The following RFC1 variants were observed in gnomAD, a reference collection of about 807,000 sequenced individuals.
RFC1 encodes A1 140 kDa subunit.
A neutral mutation model predicts 137.4 loss-of-function variants in RFC1; 37 were observed. The ratio of observed to expected loss-of-function variants is 0.27; its 90% confidence interval spans 0.21 to 0.35. The LOEUF is 0.35. Ranked by LOEUF, RFC1 falls within the 10% of genes least tolerant of loss-of-function variation. The probability of loss-of-function intolerance (pLI) is 1.00; values close to 1 mark genes in which losing one functional copy is unlikely to be tolerated. For missense variants in RFC1, 1,205 were observed against 1,358.5 expected (o/e 0.89, Z 1.78); for synonymous variants, 429 against 455.7 (o/e 0.94, Z 0.75).
chr4:39,317,085 C>T (rs1739277214), intron 9 of RFC1, 63 bp from the exon 10 acceptor site: 4 of 1,006,964 alleles, frequency 4.0e-6, no homozygotes, highest in South Asian at 1.4e-5. Flanking sequence ...ATTTAAAATA[C>T]ATATCTAGAA....
chr4:39,357,640 A>G (rs768690757), intron 1 of RFC1, among the ~76,000 whole-genome samples: 1 of 150,786 alleles, frequency 6.6e-6, no homozygotes, highest in Admixed American at 6.6e-5. Context: ...CCCTTGAGAC[A>G]GAGTCTTGCA....
intron 1 of RFC1, among the ~76,000 whole-genome samples, chr4:39,359,493 AC>A (rs892450531): frequency 2.0e-5 from 3 of 152,282 alleles, no homozygotes; most frequent in African/African-American, 4.8e-5. Context: ...ATTCTCACTC[AC>A]CCATAAGTGG....
chr4:39,308,823 G>A lies in RFC1; in HGVS notation c.1698C>T (p.Asp566=), dbSNP rs377509884. 1 of 1,613,980 alleles carries A rather than the reference G, an allele frequency of 6.2e-7. No individual in the cohort carries two copies. The highest frequency in any genetic ancestry group is 8.5e-7 in the Non-Finnish European group (1 of 1,180,022). The stretch of plus-strand genomic sequence containing the variant: ...CATCAGCCAAATTCCTAGCCTTGCT[G>A]TCACCACTTGTCTCCTCAGCCACCT... ...KEQVAEETSG[D]SKARNLADDS... The change falls in exon 13 of 25, where the codon GAC becomes GAT. Residue 566 remains aspartate, a synonymous_variant. Transcript: ENST00000349703.
At chr4:39,291,454 G>C (rs184705327) in intron 23 of RFC1, among the ~76,000 whole-genome samples, 185 bp downstream of exon 23, 1 of 152,258 alleles carries the variant, frequency 6.6e-6, no homozygotes, top group Non-Finnish European at 1.5e-5. Flanking sequence ...GTAAAGTCAA[G>C]CCCAGAAGTC....
At chr4:39,355,873 A>T (rs1741449741) in intron 1 of RFC1, 1 of 151,864 alleles carries the variant, frequency 6.6e-6, no homozygotes, top group Admixed American at 6.6e-5. Flanking sequence ...ATGGTGGCAC[A>T]CACCTGTAGT....
chr4:39,305,555 C>A (rs1415736418), intron 14 of RFC1, among the ~76,000 whole-genome samples: 5 of 152,042 alleles, frequency 3.3e-5, no homozygotes, highest in Non-Finnish European at 7.4e-5. Flanking sequence ...TTGCAGTGAA[C>A]CGAGACCGTG....
chr4:39,327,589 C>G lies in RFC1; in HGVS notation c.499G>C (p.Asp167His). The G allele has an allele frequency of 6.2e-7, 1 of 1,613,590 alleles. No homozygotes were observed. Among genetic ancestry groups the G allele is most frequent in the Non-Finnish European group, 8.5e-7 (1 of 1,179,844 alleles). ...TGGACACTTCCAGTTCCAAAATAAT[C>G]AAGTACTGATGTGGGTGTAAGTTTT... is the stretch of plus-strand genomic sequence containing the variant. Reference protein sequence around the residue: ...PIKLTPTSVLDYFGTGSVQRS... With the variant: ...PIKLTPTSVLHYFGTGSVQRS... The change falls in exon 5 of 25, where the codon GAT becomes CAT. Residue 167 changes from aspartate to histidine, a missense_variant. Around this residue, in one of 3 missense-constraint regions of RFC1, gnomAD observed 962 missense variants for 1,035.3 expected, o/e 0.93. Coordinates refer to ENST00000349703, the MANE Select transcript of RFC1 (RefSeq NM_002913.5).
rs1738281009 is a variant in RFC1 at position 39,300,307 on chromosome 4, G to A, written c.2643C>T (p.Pro881=). Residue 881 remains proline (P), a synonymous_variant, in exon 20 of 25, where the codon CCC becomes CCT. Coordinates refer to ENST00000349703, the MANE Select transcript of RFC1 (RefSeq NM_002913.5). ...DLFFHDYSIA[P]LFVQENYIHV... Reference sequence around the variant, plus strand: ...GTATGTAATTTTCCTGGACGAAGAGGGGTGCTATTGAATAATCATGAAAAA... The same window carrying A: ...GTATGTAATTTTCCTGGACGAAGAGAGGTGCTATTGAATAATCATGAAAAA... The A allele has an allele frequency of 2.5e-6, 4 of 1,614,064 alleles. No individual in the cohort carries two copies. The highest frequency in any genetic ancestry group is 3.4e-6 in the Non-Finnish European group (4 of 1,179,922).
rs772725817 is a variant in RFC1 at position 39,327,728 on chromosome 4, C to T, written c.360G>A (p.Lys120=). The part of the protein sequence containing the change: ...TDEEDDFMCK[K]AASKSKENGR... ...CATTCTCTTTTGATTTAGAGGCCGC[C>T]TTCTTACACATAAAGTCATCTTCTT... Residue 120 remains lysine (K), a synonymous_variant, in exon 5 of 25, where the codon AAG becomes AAA. Coordinates refer to ENST00000349703, the MANE Select transcript of RFC1 (RefSeq NM_002913.5). 1.9e-6 allele frequency: 3 copies of T among 1,608,688 alleles called. No homozygotes were observed. The highest frequency in any genetic ancestry group is 2.5e-6 in the Non-Finnish European group (3 of 1,178,226).
At chr4:39,339,056 C>T (rs1344353611) in intron 4 of RFC1, among the ~76,000 whole-genome samples, 4 of 152,006 alleles carry the variant, frequency 2.6e-5, no homozygotes, top group Non-Finnish European at 5.9e-5. Context: ...CGGGTTCACA[C>T]ATGCTGTGGC....
chr4:39,311,459 C>T lies in RFC1; in HGVS notation c.1474G>A (p.Ala492Thr), dbSNP rs1738957143. The change falls in exon 12 of 25, where the codon GCA becomes ACA. Residue 492 changes from alanine (A) to threonine (T), a missense_variant. Around this residue, in one of 3 missense-constraint regions of RFC1, gnomAD observed 962 missense variants for 1,035.3 expected, o/e 0.93. Coordinates refer to ENST00000349703, the MANE Select transcript of RFC1 (RefSeq NM_002913.5). The part of the protein sequence containing the change: ...MPGKKSKYEI[A>T]VETEMKKESK... ...TTTATACGAACCTCAGTTTCAACTG[C>T]TATTTCATACTTGGATTTCTTGCCT... is the stretch of plus-strand genomic sequence containing the variant. The T allele has an allele frequency of 6.2e-7, 1 of 1,613,386 alleles. No individual in the cohort carries two copies. Among genetic ancestry groups the T allele is most frequent in the Non-Finnish European group, 8.5e-7 (1 of 1,179,548 alleles).
In RFC1 at chr4:39,326,650, A is replaced by C; in HGVS notation, c.565-10T>G. Reference sequence around the variant, plus strand: ...CTGTATTTTGTGAAAGCTATATTTCAAAGAAAATCAAGCAAAATCAGCATA... The same window carrying C: ...CTGTATTTTGTGAAAGCTATATTTCCAAGAAAATCAAGCAAAATCAGCATA... On this transcript the variant is annotated splice_polypyrimidine_tract_variant and intron_variant, in intron 5 of 24. Transcript: ENST00000349703. 6.2e-7 allele frequency: 1 copy of C among 1,606,412 alleles called. No individual in the cohort carries two copies. The highest frequency in any genetic ancestry group is 8.5e-7 in the Non-Finnish European group (1 of 1,174,880).
At chr4:39,303,323 G>A in intron 15 of RFC1, 172 bp from the exon 16 acceptor site, 3 of 591,092 alleles carry the variant, frequency 5.1e-6, no homozygotes, top group Non-Finnish European at 8.9e-6. Context: ...AGAATATGCA[G>A]AGAAGAGAAA....
At chr4:39,297,952 T>C (rs1409559218) in intron 21 of RFC1, among the ~76,000 whole-genome samples, 3 of 152,228 alleles carry the variant, frequency 2.0e-5, no homozygotes, top group African/African-American at 7.2e-5. Flanking sequence ...AAGCTTTTCC[T>C]GTGTTAAAAC....
At chr4:39,300,522 T>C (rs1054358793) in intron 19 of RFC1, 108 bp from the exon 20 acceptor site, 1 of 815,176 alleles carries the variant, frequency 1.2e-6, no homozygotes, top group Non-Finnish European at 2.0e-6. Flanking sequence ...TCATTGCTGG[T>C]GGGAATGCAA....
At chr4:39,352,846 CT>C (rs1428122854) in intron 1 of RFC1, among the ~76,000 whole-genome samples, 1 of 152,164 alleles carries the variant, frequency 6.6e-6, no homozygotes, top group African/African-American at 2.4e-5. Flanking sequence ...TCTTCCTATC[CT>C]TGATGGTTGT....
intron 4 of RFC1, among the ~76,000 whole-genome samples, chr4:39,335,129 C>T (rs1411732390): frequency 6.6e-6 from 1 of 152,048 alleles, no homozygotes; most frequent in East Asian, 1.9e-4. Context: ...GATCCAGTTA[C>T]GGGGATTAAA....
At chr4:39,356,191 G>A (rs1180414827) in intron 1 of RFC1, among the ~76,000 whole-genome samples, 5 of 152,010 alleles carry the variant, frequency 3.3e-5, no homozygotes, top group Admixed American at 2.0e-4. Context: ...ACGAGGTCAG[G>A]AGTTCCAGAC....
intron 5 of RFC1, 35 bp downstream of exon 5, chr4:39,327,489 T>C (rs774135528): frequency 1.4e-6 from 2 of 1,393,088 alleles, no homozygotes; most frequent in Non-Finnish European, 2.0e-6. Flanking sequence ...TGGGTATAAA[T>C]CCTGAGCATA....
Sources: allele counts gnomAD v4.1 joint callset (sites outside exome capture counted in the v4.1 genomes callset), GRCh38; gene constraint gnomAD v4.1.1; regional missense constraint gnomAD v4.1.1; transcripts MANE v1.5; gene names NCBI Gene and HGNC (gene_info 2026-07-23, HGNC 2026-07-21).